Variants in ESCO2 observed in about 807,000 individuals in gnomAD.
ESCO2 encodes the protein N-acetyltransferase ESCO2.
ESCO2 carries 51 observed loss-of-function variants against 61.7 expected under a neutral mutation model. That is an observed-to-expected ratio of 0.83 (90% CI 0.66 to 1.04). The LOEUF is 1.04. ESCO2 is among the 50% of genes least tolerant of loss of function. The pLI, the probability that ESCO2 is intolerant of heterozygous loss-of-function variation, is 0.00. For missense variants in ESCO2, 692 were observed against 686.2 expected, an observed-to-expected ratio of 1.01 and a Z score of -0.09; for synonymous variants, 230 against 238.2, an observed-to-expected ratio of 0.97 and a Z score of 0.32.
Position 27,776,406 on chromosome 8 carries a change from A to G in ESCO2, c.98A>G (p.Lys33Arg), listed in dbSNP as rs1804789957. The G allele has an allele frequency of 4.4e-6, 7 of 1,607,782 alleles. No individual in the cohort carries two copies. Among genetic ancestry groups the G allele is most frequent in the Non-Finnish European group, 5.9e-6 (7 of 1,177,772 alleles). The stretch of plus-strand genomic sequence containing the variant: ...AATCTGTTTCCATCACCTAATAAAA[A>G]GCACTGTTTTTATCAAAACAGTGAT... ...TENLFPSPNK[K>R]HCFYQNSDKN... The change falls in exon 3 of 11, where the codon AAG becomes AGG. Residue 33 changes from lysine (K) to arginine (R), a missense_variant. Transcript: ENST00000305188.
At chr8:27,815,278 C>T (rs1805788190), downstream of ESCO2, among the ~76,000 whole-genome samples, 1 of 152,188 alleles carries the variant, frequency 6.6e-6, no homozygotes, top group Admixed American at 6.5e-5. Context: ...ATTCCGTTAA[C>T]ATTTTGAGAG....
upstream of ESCO2, among the ~76,000 whole-genome samples, chr8:27,773,261 A>G (rs144421623): frequency 7.9e-3 from 1,196 of 152,286 alleles, 14 homozygotes; most frequent in African/African-American, 0.027. Flanking sequence ...CTACTAACCT[A>G]ACACTGCCAC....
chr8:27,806,393 T>C (rs1805564221), downstream of ESCO2, among the ~76,000 whole-genome samples: 1 of 152,100 alleles, frequency 6.6e-6, no homozygotes, highest in Non-Finnish European at 1.5e-5. Flanking sequence ...TACCAGACTG[T>C]GTTAATTATA....
At position 27,795,068 on chromosome 8, in the gene ESCO2, A is replaced by C. The variant is rs779528486; in HGVS notation, c.1497+2257A>C. Among the ~76,000 whole-genome samples the C allele has an allele frequency of 2.6e-5, 4 of 152,140 alleles. 1 individual carries two copies. The highest frequency in any genetic ancestry group is 5.9e-5 in the Non-Finnish European group (4 of 68,024). ...TGTATTTTTGTGGAAATGCCATTAG[A>C]ATTTTGATAGGGATTGCATTGCATT... is the stretch of plus-strand genomic sequence containing the variant. On this transcript the variant is annotated intron_variant, in intron 9 of 10. Transcript: ENST00000305188.
downstream of ESCO2, chr8:27,811,254 A>C (rs1014464771): frequency 2.6e-5 from 20 of 771,570 alleles, no homozygotes; most frequent in Non-Finnish European, 4.4e-5. Context: ...GTGTAGCCAG[A>C]AAATGTAAAA....
intron 1 of ESCO2, among the ~76,000 whole-genome samples, chr8:27,775,262 GT>G (rs1253851044): frequency 1.3e-5 from 2 of 152,168 alleles, no homozygotes; most frequent in African/African-American, 4.8e-5. Context: ...ATTGAAGGCT[GT>G]TGAGATGGGG....
chr8:27,789,112 A>G, intron 7 of ESCO2, 134 bp downstream of exon 7: 1 of 1,159,484 alleles, frequency 8.6e-7, no homozygotes, highest in African/African-American at 1.5e-5. Flanking sequence ...ATCTCAATTT[A>G]AGATAAATAT....
Position 27,795,962 on chromosome 8 carries a change from G to A in ESCO2, c.1497+3151G>A, listed in dbSNP as rs190378017. On this transcript the variant is annotated intron_variant, in intron 9 of 10. Transcript: ENST00000305188. ...TTTGGTATCAGATTAATCTGGCCTT[G>A]CAAAATGACTTTGGAGGTATTCTTC... Among the ~76,000 whole-genome samples the A allele has an allele frequency of 1.2e-4, 18 of 150,666 alleles. 1 individual carries two copies. In the Middle Eastern group the frequency reaches 0.02, roughly 171 times the overall value.
At chr8:27,816,023 C>T (rs1805803739), downstream of ESCO2, among the ~76,000 whole-genome samples, 1 of 152,028 alleles carries the variant, frequency 6.6e-6, no homozygotes. Context: ...AGTTACTATC[C>T]CAAACTGAAA....
rs1431530331 is a variant in ESCO2, at chr8:27,804,425, G to A, written c.*987G>A. The A allele has an allele frequency of 1.0e-6, 1 of 985,170 alleles. No individual in the cohort carries two copies. Among genetic ancestry groups the A allele is most frequent in the Non-Finnish European group, 1.2e-6 (1 of 829,912 alleles). The allele number at this position is 985,170 out of a possible 1,614,324, so 61.0% of individuals were successfully genotyped here. Reference sequence around the variant, plus strand: ...GCACCTTACTTGTTCTGAGATACCTGGCAAAAGTCTTTACAAAATGTATGG... The same window carrying A: ...GCACCTTACTTGTTCTGAGATACCTAGCAAAAGTCTTTACAAAATGTATGG... On this transcript the variant is annotated 3_prime_UTR_variant, in exon 11 of 11. Coordinates refer to ENST00000305188, the MANE Select transcript of ESCO2 (RefSeq NM_001017420.3).
upstream of ESCO2, among the ~76,000 whole-genome samples, chr8:27,774,028 C>T (rs1391840453): frequency 6.6e-6 from 1 of 152,030 alleles, no homozygotes; most frequent in Non-Finnish European, 1.5e-5. Context: ...TCTAAGAATG[C>T]CTGGCACATA....
chr8:27,809,857 C>G (rs578195214), downstream of ESCO2: 1 of 155,088 alleles, frequency 6.4e-6, no homozygotes, highest in African/African-American at 2.4e-5. Context: ...TTCTCCTCAG[C>G]TTCCAGTTAT....
In ESCO2 at chr8:27,784,189, TATTG is replaced by T. The variant is rs10553021; in HGVS notation, c.1013+134_1013+137del. On this transcript the variant is annotated intron_variant, in intron 5 of 10. Transcript: ENST00000305188. ...CTCACTAAGGGGAATAGGAGAATAA[TATTG>T]AGAATAGGGTGATGAAATCAGTCCC... 0.42 allele frequency: 319,676 copies of T among 758,202 alleles called. 69,458 individuals carry two copies. The highest frequency in any genetic ancestry group is 0.62 in the East Asian group (23,118 of 37,384). The allele number at this position is 758,202 out of a possible 1,614,324, so 47.0% of individuals were successfully genotyped here.
At chr8:27,772,454 G>C (rs1804662817), upstream of ESCO2, 1 of 1,522,884 alleles carries the variant, frequency 6.6e-7, no homozygotes. Context: ...GCGGACTGCG[G>C]GTCCCGGCTT....
At chr8:27,791,879 G>C in intron 7 of ESCO2, 84 bp from the exon 8 acceptor site, 1 of 1,147,386 alleles carries the variant, frequency 8.7e-7, no homozygotes, top group Non-Finnish European at 1.3e-6. Context: ...TTAGCCTTTT[G>C]TCTTCTCCAC....
At chr8:27,813,051 A>G (rs552157613), downstream of ESCO2, among the ~76,000 whole-genome samples, 16 of 152,360 alleles carry the variant, frequency 1.1e-4, no homozygotes, top group African/African-American at 3.8e-4. Context: ...TATTCACAAT[A>G]GCAAAGACTT....
chr8:27,794,512 A>G (rs1118754), intron 9 of ESCO2, among the ~76,000 whole-genome samples: 128,540 of 152,078 alleles, frequency 0.85, 54,629 homozygotes, highest in East Asian at 1. Context: ...TATTGTATAC[A>G]CAAATTTTTT....
At chr8:27,813,504 G>C (rs1259778634), downstream of ESCO2, among the ~76,000 whole-genome samples, 1 of 152,048 alleles carries the variant, frequency 6.6e-6, no homozygotes, top group Non-Finnish European at 1.5e-5. Context: ...CAAGCTTTGA[G>C]GTATAATTAA....
At chr8:27,788,824 CT>C (rs771638086) in intron 6 of ESCO2, 22 bp from the exon 7 acceptor site, 3 of 1,613,636 alleles carry the variant, frequency 1.9e-6, no homozygotes, top group Non-Finnish European at 2.5e-6. Flanking sequence ...AAATGGGTTT[CT>C]TTTTTTACCC....
Sources: allele counts gnomAD v4.1 joint callset (sites outside exome capture counted in the v4.1 genomes callset), GRCh38; gene constraint gnomAD v4.1.1; transcripts MANE v1.5; gene names NCBI Gene and HGNC (gene_info 2026-07-23, HGNC 2026-07-21).